LOC101059915: variants seen among roughly 807,000 people sequenced by gnomAD.
the LOC101059915 span, chrX:71,670,654 C>T: frequency 2.7e-6 from 3 of 1,114,382 alleles, no homozygotes; most frequent in Non-Finnish European, 3.5e-6. Flanking sequence ...TAGAGACCAA[C>T]TAGGTATGAT....
At chrX:71,669,505 G>T in the LOC101059915 span, 1 of 937,389 alleles carries the variant, frequency 1.1e-6, no homozygotes. Flanking sequence ...CCCTCCCCAT[G>T]TGTACTCACC....
the LOC101059915 span, chrX:71,670,432 G>T: frequency 3.5e-6 from 4 of 1,134,706 alleles, no homozygotes; most frequent in Non-Finnish European, 4.7e-6. Flanking sequence ...AATCCCCTCT[G>T]CCTACCATAC....
the LOC101059915 span, chrX:71,667,821 A>G: frequency 1.8e-5 from 19 of 1,064,126 alleles, no homozygotes; most frequent in Non-Finnish European, 1.4e-5. Flanking sequence ...CCACGGATGA[A>G]GTGTCCGTTT....
At chrX:71,669,268 C>T in the LOC101059915 span, among the ~76,000 whole-genome samples, 1 of 111,907 alleles carries the variant, frequency 8.9e-6, no homozygotes, top group Admixed American at 9.4e-5. Context: ...TGTGCCAGGC[C>T]TGGCTCTGGA....
chrX:71,668,541 C>T, the LOC101059915 span: 1 of 1,134,214 alleles, frequency 8.8e-7, no homozygotes, highest in South Asian at 2.1e-5. Context: ...CTTGCGGACG[C>T]CGCAGTTTCC....
chrX:71,667,563 G>A, the LOC101059915 span: 13 of 257,027 alleles, frequency 5.1e-5, no homozygotes, highest in Non-Finnish European at 7.5e-5. Context: ...GAGGGAGCCC[G>A]GAAGCCACGC....
the LOC101059915 span, chrX:71,668,652 C>A: frequency 1.5e-5 from 16 of 1,076,108 alleles, no homozygotes; most frequent in African/African-American, 2.9e-4. Flanking sequence ...GAGAGCTGGA[C>A]GTGCCTTCCT....
At chrX:71,670,310 C>T in the LOC101059915 span, 4 of 1,165,976 alleles carry the variant, frequency 3.4e-6, no homozygotes, top group Non-Finnish European at 4.6e-6. Flanking sequence ...AGCAGCAGCC[C>T]CCGGGAGCCC....
At chrX:71,671,099 G>A in the LOC101059915 span, 2 of 1,148,523 alleles carry the variant, frequency 1.7e-6, no homozygotes, top group Non-Finnish European at 1.2e-6. Flanking sequence ...GTCAGTCCCA[G>A]GGCTGGTGGG....
chrX:71,668,456 C>A, the LOC101059915 span: 1 of 1,161,137 alleles, frequency 8.6e-7, no homozygotes, highest in Non-Finnish European at 1.1e-6. Context: ...AGCGACTTAC[C>A]GGTGATTAGG....
the LOC101059915 span, chrX:71,668,869 G>T: frequency 2.7e-6 from 3 of 1,102,740 alleles, no homozygotes; most frequent in Non-Finnish European, 3.5e-6. Flanking sequence ...ACCTGATCCG[G>T]CTAGCTTCCC....
the LOC101059915 span, chrX:71,668,784 A>G: frequency 1.3e-5 from 14 of 1,065,799 alleles, no homozygotes; most frequent in Non-Finnish European, 1.7e-5. Context: ...AGGAGAAGAA[A>G]TCCCTAGAGG....
the LOC101059915 span, chrX:71,668,353 A>T: frequency 8.8e-7 from 1 of 1,141,608 alleles, no homozygotes; most frequent in Non-Finnish European, 1.2e-6. Context: ...GGGCTCGAAG[A>T]GCAGATTGAG....
At chrX:71,668,986 G>T in the LOC101059915 span, 2 of 1,164,616 alleles carry the variant, frequency 1.7e-6, no homozygotes, top group Non-Finnish European at 2.3e-6. Flanking sequence ...GGAGTCCCAG[G>T]CTGCGGCCAG....
the LOC101059915 span, chrX:71,669,841 A>G: frequency 8.4e-4 from 561 of 671,380 alleles, 5 homozygotes; most frequent in African/African-American, 0.012. Context: ...GCTGTCCCAC[A>G]GGAAATGGGG....
chrX:71,667,586 A>G, the LOC101059915 span: 1 of 280,710 alleles, frequency 3.6e-6, no homozygotes, highest in African/African-American at 2.8e-5. Context: ...TGTCAGTGAC[A>G]TCTCGTGAGC....
At chrX:71,670,596 G>A in the LOC101059915 span, 9,489 of 1,099,139 alleles carry the variant, frequency 8.6e-3, 36 homozygotes, top group Non-Finnish European at 0.01. Flanking sequence ...TTTTCCACTG[G>A]TGTCTCCTGG....
the LOC101059915 span, chrX:71,668,308 C>T: frequency 8.8e-7 from 1 of 1,134,472 alleles, no homozygotes; most frequent in South Asian, 2.1e-5. Flanking sequence ...CCTCAGTGTT[C>T]CTGGGCCAGG....
the LOC101059915 span, chrX:71,670,947 C>G: frequency 6.6e-6 from 5 of 752,481 alleles, no homozygotes; most frequent in South Asian, 6.8e-5. Flanking sequence ...CTGCCTGGTA[C>G]TGCTTGTATG....
Sources: gnomAD v4.1 joint callset for allele counts (sites outside exome capture counted in the v4.1 genomes callset) on GRCh38, gnomAD v4.1.1 for gene constraint, MANE v1.5 for transcripts.